Variants in ENPP1 observed in about 807,000 individuals in gnomAD.
ENPP1 encodes the protein ectonucleotide pyrophosphatase/phosphodiesterase family member 1.
A neutral mutation model predicts 122.8 loss-of-function variants in ENPP1; 73 were observed. The observed-to-expected ratio is 0.59, with a 90% CI of 0.49 to 0.72. The LOEUF (loss-of-function observed/expected upper bound fraction) is 0.72. Among genes scored for constraint, ENPP1 ranks in the 30% least tolerant of loss-of-function variants. ENPP1 has a pLI of 0.00. For missense variants in ENPP1, 978 were observed against 1,128.1 expected, an observed-to-expected ratio of 0.87 and a Z score of 1.91; for synonymous variants, 367 against 391.6, an observed-to-expected ratio of 0.94 and a Z score of 0.74.
chr6:131,813,739 A>G (rs1470792358), intron 1 of ENPP1, among the ~76,000 whole-genome samples: 1 of 152,002 alleles, frequency 6.6e-6, no homozygotes, highest in Non-Finnish European at 1.5e-5. Flanking sequence ...AAAGGGAGGG[A>G]GTAGAATTAA....
intron 1 of ENPP1, among the ~76,000 whole-genome samples, chr6:131,818,439 G>C (rs368728096): frequency 2.1e-4 from 32 of 152,220 alleles, no homozygotes; most frequent in African/African-American, 7.2e-4. Flanking sequence ...GAGGTCAGGA[G>C]ATCGAGACCA....
intron 6 of ENPP1, among the ~76,000 whole-genome samples, chr6:131,856,585 A>C (rs192635958): frequency 1.6e-3 from 223 of 138,146 alleles, no homozygotes; most frequent in African/African-American, 4.7e-3. Flanking sequence ...CCTGAATGGC[A>C]ATGCCTAGGT....
intron 1 of ENPP1, among the ~76,000 whole-genome samples, chr6:131,836,565 C>G (rs1781676822): frequency 1.3e-5 from 2 of 152,114 alleles, no homozygotes; most frequent in South Asian, 2.1e-4. Flanking sequence ...CTGATTTTCC[C>G]CACTTACCAA....
chr6:131,813,283 T>C (rs1781376204), intron 1 of ENPP1, among the ~76,000 whole-genome samples: 1 of 151,680 alleles, frequency 6.6e-6, no homozygotes, highest in Non-Finnish European at 1.5e-5. Flanking sequence ...GCAGGTGGGA[T>C]CATTTGAGGT....
intron 1 of ENPP1, among the ~76,000 whole-genome samples, 176 bp downstream of exon 1, chr6:131,808,451 G>T (rs1421634401): frequency 6.6e-6 from 1 of 152,190 alleles, no homozygotes; most frequent in East Asian, 1.9e-4. Flanking sequence ...CTACACAGCC[G>T]CCCCTGCCAG....
intron 1 of ENPP1, chr6:131,828,117 G>C: frequency 1.7e-6 from 1 of 587,088 alleles, no homozygotes; most frequent in South Asian, 1.4e-5. Flanking sequence ...TAGGAGTCCT[G>C]CTGTCAGTGG....
At chr6:131,890,282 A>G in intron 24 of ENPP1, 59 bp from the exon 25 acceptor site, 1 of 1,362,522 alleles carries the variant, frequency 7.3e-7, no homozygotes. Context: ...TGGAGCACTT[A>G]TAGAAGTGAA....
intron 20 of ENPP1, among the ~76,000 whole-genome samples, chr6:131,881,966 C>T (rs997428887): frequency 3.3e-5 from 5 of 151,726 alleles, no homozygotes; most frequent in South Asian, 2.1e-4. Flanking sequence ...TGCGGTGAGC[C>T]GAGATTGCGC....
chr6:131,878,499 C>A (rs749793011), intron 18 of ENPP1, 43 bp from the exon 19 acceptor site: 7 of 1,244,630 alleles, frequency 5.6e-6, no homozygotes, highest in Non-Finnish European at 7.1e-6. Flanking sequence ...AAATTTAAAA[C>A]ATGTCTCTCA....
rs35281356 is a variant in ENPP1 at position 131,849,845 on chromosome 6, AT to A, written c.314-140del. ...ACTTTTTGTGTGTATTTGTGAAAAGATTTTTGCCTTACTTTATTACCCCATC... is the reference window on the plus strand; with the variant it reads ...ACTTTTTGTGTGTATTTGTGAAAAGATTTTGCCTTACTTTATTACCCCATC... On this transcript the variant is annotated intron_variant, in intron 2 of 24. Transcript: ENST00000647893. The A allele has an allele frequency of 6.8e-5, 45 of 660,236 alleles. No homozygotes were observed. In the East Asian group the frequency reaches 1.1e-3, roughly 17 times the overall value. 40.9% of individuals were successfully genotyped at this position (660,236 alleles called of 1,614,324 possible).
At chr6:131,836,822 GT>G (rs1279924128) in intron 1 of ENPP1, among the ~76,000 whole-genome samples, 3 of 152,122 alleles carry the variant, frequency 2.0e-5, no homozygotes, top group Admixed American at 2.0e-4. Context: ...TTCCTTTTAT[GT>G]TTATGGAAAG....
At chr6:131,832,762 G>T (rs1781629446) in intron 1 of ENPP1, among the ~76,000 whole-genome samples, 1 of 152,182 alleles carries the variant, frequency 6.6e-6, no homozygotes, top group African/African-American at 2.4e-5. Flanking sequence ...TCTTCTTGCA[G>T]TCTTAGGGCC....
At chr6:131,853,734 T>C (rs1781908732) in intron 5 of ENPP1, among the ~76,000 whole-genome samples, 1 of 152,158 alleles carries the variant, frequency 6.6e-6, no homozygotes, top group African/African-American at 2.4e-5. Flanking sequence ...CTGTCAAGTT[T>C]TAAATTTACT....
intron 1 of ENPP1, among the ~76,000 whole-genome samples, chr6:131,830,671 T>C (rs1781599578): frequency 6.6e-6 from 1 of 152,230 alleles, no homozygotes; most frequent in Admixed American, 6.5e-5. Flanking sequence ...AAAATATGTA[T>C]ATTTTAAAAG....
At chr6:131,839,030 T>C (rs1037887297) in intron 1 of ENPP1, among the ~76,000 whole-genome samples, 2 of 152,288 alleles carry the variant, frequency 1.3e-5, no homozygotes, top group Admixed American at 1.3e-4. Flanking sequence ...TGAGTTCTTC[T>C]AAACCTCCAA....
rs1781547931 is a variant in ENPP1 at position 131,826,520 on chromosome 6, C to T, written c.240+18245C>T. On this transcript the variant is annotated intron_variant, in intron 1 of 24. Transcript: ENST00000647893. ...TGAAGATGCTGACAGCCAATGATCT[C>T]TTCCACAGTTTTAAGGTTATTTTCC... 4.9e-6 allele frequency: 6 copies of T among 1,221,378 alleles called. No individual in the cohort carries two copies. In the Admixed American group the frequency reaches 1.0e-4, roughly 21 times the overall value. 75.7% of individuals were successfully genotyped at this position (1,221,378 alleles called of 1,614,324 possible).
At chr6:131,875,537 CT>C (rs1481032799) in intron 16 of ENPP1, among the ~76,000 whole-genome samples, 2 of 152,154 alleles carry the variant, frequency 1.3e-5, no homozygotes, top group Non-Finnish European at 2.9e-5. Context: ...ATCATTCATT[CT>C]GTTCTGATTG....
intron 1 of ENPP1, among the ~76,000 whole-genome samples, chr6:131,830,196 G>A (rs1781593632): frequency 6.6e-6 from 1 of 152,176 alleles, no homozygotes; most frequent in Non-Finnish European, 1.5e-5. Flanking sequence ...TGGAGGCTGT[G>A]CACCTGTGGA....
At chr6:131,890,237 G>A in intron 24 of ENPP1, 104 bp from the exon 25 acceptor site, 1 of 929,582 alleles carries the variant, frequency 1.1e-6, no homozygotes, top group Non-Finnish European at 1.8e-6. Context: ...TTCCACTTCA[G>A]AGCTGAAATC....
Sources: gnomAD v4.1 joint callset for allele counts (sites outside exome capture counted in the v4.1 genomes callset) on GRCh38, gnomAD v4.1.1 for gene constraint, MANE v1.5 for transcripts, NCBI Gene and HGNC (gene_info 2026-07-23, HGNC 2026-07-21) for gene names.